Variants in ARHGEF7 observed in about 807,000 individuals in gnomAD.
ARHGEF7 encodes Rho guanine nucleotide exchange factor 7, also known as PAK-interacting exchange factor beta.
A neutral mutation model predicts 109.8 loss-of-function variants in ARHGEF7; 33 were observed. That is an observed-to-expected ratio of 0.30 (90% CI 0.23 to 0.40). The LOEUF is 0.40. Among genes scored for constraint, ARHGEF7 ranks in the 10% least tolerant of loss-of-function variants. The pLI is 1.00. For synonymous variants in ARHGEF7, 458 were observed against 424.6 expected (o/e 1.08, Z -0.97); for missense variants, 938 against 1,098.5 (o/e 0.85, Z 2.07).
chr13:111,214,669 C>G (rs1166052971), intron 4 of ARHGEF7, among the ~76,000 whole-genome samples: 2 of 152,256 alleles, frequency 1.3e-5, no homozygotes, highest in Non-Finnish European at 2.9e-5. Flanking sequence ...AAACTTGACC[C>G]TGCCCCTTGT....
At chr13:111,206,593 T>A (rs9515390) in intron 3 of ARHGEF7, among the ~76,000 whole-genome samples, 67,322 of 152,046 alleles carry the variant, frequency 0.44, 15,663 homozygotes, top group South Asian at 0.56. Flanking sequence ...ATGTAACTAA[T>A]GAAAATTGTC....
At chr13:111,205,397 C>A (rs757642300) in intron 3 of ARHGEF7, 24 bp downstream of exon 3, 3 of 1,524,926 alleles carry the variant, frequency 2.0e-6, no homozygotes, top group Non-Finnish European at 2.7e-6. Context: ...TTATTGAACT[C>A]GAGGGGGTGG....
At chr13:111,171,977 TC>T (rs1010056373) in intron 2 of ARHGEF7, among the ~76,000 whole-genome samples, 1 of 152,216 alleles carries the variant, frequency 6.6e-6, no homozygotes, top group African/African-American at 2.4e-5. Context: ...ATCTTGGACT[TC>T]CCAGTTCCAG....
intron 8 of ARHGEF7, among the ~76,000 whole-genome samples, chr13:111,249,708 G>A (rs940369684): frequency 6.6e-6 from 1 of 152,154 alleles, no homozygotes; most frequent in Non-Finnish European, 1.5e-5. Flanking sequence ...GTTTTTAGTG[G>A]GGGACATATG....
At chr13:111,221,492 CATATATATATCTATATATATAG>C (rs2084217759) in intron 5 of ARHGEF7, among the ~76,000 whole-genome samples, 2 of 41,192 alleles carry the variant, frequency 4.9e-5, no homozygotes, top group African/African-American at 9.4e-5. Flanking sequence ...TATATATAGA[CATATATATATCTATATATATAG>C]ATATATATCT....
chr13:111,301,759 G>A (rs185307645), intron 21 of ARHGEF7, among the ~76,000 whole-genome samples: 4 of 152,236 alleles, frequency 2.6e-5, no homozygotes, highest in Admixed American at 2.6e-4. Context: ...TGGGCATAGC[G>A]GCAGGTGCCT....
At chr13:111,288,031 T>C (rs2093101030) in intron 17 of ARHGEF7, among the ~76,000 whole-genome samples, 1 of 152,264 alleles carries the variant, frequency 6.6e-6, no homozygotes. Context: ...GTTTTGTGAC[T>C]TCCTTATTCC....
At chr13:111,269,210 C>G (rs1014016861) in intron 9 of ARHGEF7, among the ~76,000 whole-genome samples, 12 of 152,232 alleles carry the variant, frequency 7.9e-5, no homozygotes, top group African/African-American at 2.7e-4. Context: ...TAGTTATGCG[C>G]TATGCCCCTA....
rs755965518 is a variant in ARHGEF7, at chr13:111,153,910, C to T, written c.171C>T (p.Tyr57=). 4 of 1,604,928 alleles carry T rather than the reference C, an allele frequency of 2.5e-6. No individual in the cohort carries two copies. The highest frequency in any genetic ancestry group is 1.7e-5 in the Admixed American group (1 of 59,664). The change falls in exon 2 of 22, where the codon TAC becomes TAT. Residue 57 remains tyrosine (Y), a synonymous_variant. Transcript: ENST00000646102. ...RLLPGTIEKV[Y]PEPRSESECL... Reference sequence around the variant, plus strand: ...GCTTGTGCTCTGTATTGCAGGTCTACCCCGAGCCCCGGAGCGAGAGCGAGT... The same window carrying T: ...GCTTGTGCTCTGTATTGCAGGTCTATCCCGAGCCCCGGAGCGAGAGCGAGT...
At position 111,283,207 on chromosome 13, in the gene ARHGEF7, C is replaced by G. The variant is rs1259961145; in HGVS notation, c.1794C>G (p.Ala598=). ...GCAAGCCCGCGCCGCTGACGCCCGC[C>G]TACCACACGCTGCCCCACCCCTCCC... ...ADSKPAPLTP[A]YHTLPHPSHH... The change falls in exon 16 of 22, where the codon GCC becomes GCG. Residue 598 remains alanine, a synonymous_variant. Transcript: ENST00000646102. The G allele has an allele frequency of 1.3e-6, 2 of 1,597,536 alleles. No individual in the cohort carries two copies. Among genetic ancestry groups the G allele is most frequent in the South Asian group, 2.3e-5 (2 of 88,440 alleles).
intron 5 of ARHGEF7, among the ~76,000 whole-genome samples, chr13:111,221,961 A>G (rs973831460): frequency 1.3e-5 from 2 of 152,150 alleles, no homozygotes; most frequent in Non-Finnish European, 2.9e-5. Flanking sequence ...AGCATCCAGC[A>G]TGGGAGAAAG....
intron 8 of ARHGEF7, among the ~76,000 whole-genome samples, chr13:111,250,204 A>G (rs138704504): frequency 6.6e-6 from 1 of 152,280 alleles, no homozygotes; most frequent in East Asian, 1.9e-4. Context: ...TCTGCCTTCC[A>G]TGCCCTTGTG....
intron 2 of ARHGEF7, among the ~76,000 whole-genome samples, chr13:111,183,881 T>A (rs918171839): frequency 6.6e-6 from 1 of 152,180 alleles, no homozygotes. Flanking sequence ...AGGAGCTCTG[T>A]AAGTCTCCAC....
Position 111,268,604 on chromosome 13 carries a change from C to T in ARHGEF7, c.1073+934C>T, listed in dbSNP as rs539513353. On this transcript the variant is annotated intron_variant, in intron 9 of 21. Transcript: ENST00000646102. ...AAGCACATTTGGGGCTCAGGTGTGGCGCTGCGTGGGTGTCCTAGGACAGCT... is the reference window on the plus strand; with the variant it reads ...AAGCACATTTGGGGCTCAGGTGTGGTGCTGCGTGGGTGTCCTAGGACAGCT... Among the ~76,000 whole-genome samples the T allele has an allele frequency of 5.9e-5, 9 of 152,286 alleles. No individual in the cohort carries two copies. In the South Asian group the frequency reaches 1.5e-3, roughly 25 times the overall value.
At chr13:111,291,631 T>C (rs548368730) in intron 18 of ARHGEF7, among the ~76,000 whole-genome samples, 15 of 152,404 alleles carry the variant, frequency 9.8e-5, no homozygotes, top group African/African-American at 2.9e-4. Flanking sequence ...TTTGAAATTA[T>C]TTTGCATTTG....
chr13:111,193,491 G>A (rs894110940), intron 2 of ARHGEF7, among the ~76,000 whole-genome samples: 1 of 152,214 alleles, frequency 6.6e-6, no homozygotes, highest in Admixed American at 6.5e-5. Flanking sequence ...TAATTTCCTT[G>A]TGGTATTTAA....
intron 8 of ARHGEF7, among the ~76,000 whole-genome samples, chr13:111,260,831 TAA>T (rs1194423112): frequency 1.3e-5 from 2 of 152,210 alleles, no homozygotes; most frequent in African/African-American, 4.8e-5. Flanking sequence ...AACAAAAAGT[TAA>T]AAAGCACAAG....
intron 2 of ARHGEF7, among the ~76,000 whole-genome samples, chr13:111,168,564 G>A (rs559906820): frequency 2.0e-4 from 31 of 152,232 alleles, no homozygotes; most frequent in Middle Eastern, 6.8e-3. Context: ...AATTGTTCAG[G>A]TTCAGTCTTG....
At chr13:111,282,808 GA>G (rs1329866840) in intron 15 of ARHGEF7, 13 of 396,458 alleles carry the variant, frequency 3.3e-5, no homozygotes, top group Non-Finnish European at 4.5e-6. Flanking sequence ...CTTTTTACTA[GA>G]TGAAGTACCT....
Sources: allele counts gnomAD v4.1 joint callset (sites outside exome capture counted in the v4.1 genomes callset), GRCh38; gene constraint gnomAD v4.1.1; transcripts MANE v1.5; gene names NCBI Gene and HGNC (gene_info 2026-07-23, HGNC 2026-07-21).